Variants in NRF1 observed in about 807,000 individuals in gnomAD.
NRF1 encodes alpha palindromic-binding protein.
A neutral mutation model predicts 58.5 loss-of-function variants in NRF1; 5 were observed. The observed-to-expected ratio is 0.09, with a 90% CI of 0.04 to 0.18. The LOEUF (loss-of-function observed/expected upper bound fraction) is 0.18. Ranked by LOEUF, NRF1 falls within the 10% of genes least tolerant of loss-of-function variation. The probability of loss-of-function intolerance (pLI) is 1.00; values close to 1 mark genes in which losing one functional copy is unlikely to be tolerated. For missense variants in NRF1, 288 were observed against 657.7 expected, an observed-to-expected ratio of 0.44 and a Z score of 6.15; for synonymous variants, 224 against 246.7, an observed-to-expected ratio of 0.91 and a Z score of 0.86.
chr7:129,639,915 A>T (rs1562956778), intron 1 of NRF1, among the ~76,000 whole-genome samples: 1 of 152,230 alleles, frequency 6.6e-6, no homozygotes, highest in Non-Finnish European at 1.5e-5. Context: ...ATGGATAGTT[A>T]GCTAAACAAT....
chr7:129,663,934 G>T (rs989830132), intron 2 of NRF1, among the ~76,000 whole-genome samples: 4 of 152,156 alleles, frequency 2.6e-5, no homozygotes. Flanking sequence ...AGACCAGTCC[G>T]GTCAACACGG....
At position 129,614,443 on chromosome 7, in the gene NRF1, T is replaced by TTGTGTGTGTGTGTGTGTGTGTGTG. The variant is rs56403369; in HGVS notation, c.-7+2642_-7+2643insGTGTGTGTGTGTGTGTGTGTGTGT. Among the ~76,000 whole-genome samples the TTGTGTGTGTGTGTGTGTGTGTGTG allele has an allele frequency of 4.5e-3, 662 of 145,830 alleles. 3 individuals carry two copies. Among genetic ancestry groups the TTGTGTGTGTGTGTGTGTGTGTGTG allele is most frequent in the African/African-American group, 6.1e-3 (236 of 38,824 alleles). ...ATAATTTTCTTATAAAAATATGTAT[T>TTGTGTGTGTGTGTGTGTGTGTGTG]TGTGTGTGTGTGTGTGTGTGTGTAC... On this transcript the variant is annotated intron_variant, in intron 1 of 10. Transcript: ENST00000393232.
intron 1 of NRF1, among the ~76,000 whole-genome samples, chr7:129,631,934 A>G (rs1801058126): frequency 6.6e-6 from 1 of 152,212 alleles, no homozygotes; most frequent in African/African-American, 2.4e-5. Context: ...GCTTATAAAT[A>G]TGCATGACTG....
chr7:129,646,318 T>G (rs898283590), intron 1 of NRF1, among the ~76,000 whole-genome samples: 8 of 152,218 alleles, frequency 5.3e-5, no homozygotes, highest in Non-Finnish European at 1.0e-4. Flanking sequence ...TTACCAGCAC[T>G]GTATGAGTAA....
intron 4 of NRF1, among the ~76,000 whole-genome samples, chr7:129,678,112 C>T (rs570656463): frequency 2.0e-5 from 3 of 152,244 alleles, no homozygotes; most frequent in African/African-American, 4.8e-5. Context: ...AAGGTGTCAA[C>T]TTCCTGAGGG....
rs1380071199 is a variant in NRF1 at position 129,660,073 on chromosome 7, G to A, written c.223+2499G>A. ...TCGCATCTTACATGGATGACAGCAG[G>A]CAAAAAGAGAGAGAGCTTGTGCAGG... On this transcript the variant is annotated intron_variant, in intron 2 of 10. Coordinates refer to ENST00000393232, the MANE Select transcript of NRF1 (RefSeq NM_005011.5). Among the ~76,000 whole-genome samples, 3 of 152,246 alleles carry A rather than the reference G, an allele frequency of 2.0e-5. No individual in the cohort carries two copies. The East Asian group carries it at 5.8e-4, about 29-fold the overall frequency.
intron 8 of NRF1, among the ~76,000 whole-genome samples, chr7:129,712,645 G>A (rs1803100394): frequency 6.6e-6 from 1 of 152,166 alleles, no homozygotes; most frequent in Non-Finnish European, 1.5e-5. Context: ...CAGTCTAGTG[G>A]GGAAGAGAGA....
chr7:129,682,992 G>T (rs945144694), intron 4 of NRF1, among the ~76,000 whole-genome samples: 1 of 152,024 alleles, frequency 6.6e-6, no homozygotes, highest in African/African-American at 2.4e-5. Flanking sequence ...GTGCAGTGGT[G>T]CAGTCTCAGC....
At chr7:129,748,755 C>A (rs1204065470) in intron 10 of NRF1, among the ~76,000 whole-genome samples, 1 of 152,148 alleles carries the variant, frequency 6.6e-6, no homozygotes, top group East Asian at 1.9e-4. Flanking sequence ...TCCAATAATA[C>A]TGAATACTGA....
chr7:129,713,208 T>C (rs1204708132), intron 8 of NRF1, among the ~76,000 whole-genome samples: 1 of 151,584 alleles, frequency 6.6e-6, no homozygotes, highest in Admixed American at 6.6e-5. Flanking sequence ...GCGATTCTTC[T>C]GCCTCAGCCT....
chr7:129,719,049 T>C (rs986934257), intron 9 of NRF1, among the ~76,000 whole-genome samples: 1 of 152,140 alleles, frequency 6.6e-6, no homozygotes, highest in African/African-American at 2.4e-5. Flanking sequence ...GAGAGGAGAT[T>C]AGAAGATCAG....
At chr7:129,680,471 T>C (rs944212221) in intron 4 of NRF1, among the ~76,000 whole-genome samples, 5 of 152,240 alleles carry the variant, frequency 3.3e-5, no homozygotes, top group African/African-American at 1.2e-4. Flanking sequence ...TGAAAGCATA[T>C]GTTCATACAC....
At chr7:129,664,182 G>A (rs1473247362) in intron 2 of NRF1, among the ~76,000 whole-genome samples, 2 of 152,006 alleles carry the variant, frequency 1.3e-5, no homozygotes, top group Admixed American at 1.3e-4. Context: ...GAGGGAGAGG[G>A]AGAGGGATCC....
intron 3 of NRF1, among the ~76,000 whole-genome samples, chr7:129,672,714 T>C (rs1802078878): frequency 6.6e-6 from 1 of 152,226 alleles, no homozygotes; most frequent in African/African-American, 2.4e-5. Flanking sequence ...GCGATGACAT[T>C]TACTGGAGGA....
rs190163035 is a variant in NRF1 at position 129,674,745 on chromosome 7, T to G, written c.339-2887T>G. Among the ~76,000 whole-genome samples, 14 of 152,240 alleles carry G rather than the reference T, an allele frequency of 9.2e-5. 1 individual carries two copies. The highest frequency in any genetic ancestry group is 5.2e-4 in the Admixed American group (8 of 15,298). ...CCACTGGGCCTGACCACTAAAACAC[T>G]TAATTGCTAAAAGATGTTAGGGCTC... On this transcript the variant is annotated intron_variant, in intron 3 of 10. Transcript: ENST00000393232.
intron 3 of NRF1, 82 bp downstream of exon 3, chr7:129,671,625 T>G: frequency 1.3e-6 from 1 of 746,960 alleles, no homozygotes; most frequent in Non-Finnish European, 2.3e-6. Flanking sequence ...GTGATTAGGT[T>G]TGTCAAGGAT....
intron 10 of NRF1, among the ~76,000 whole-genome samples, chr7:129,748,058 G>A (rs1043250489): frequency 1.8e-4 from 28 of 151,848 alleles, no homozygotes; most frequent in African/African-American, 5.3e-4. Context: ...GGTGAATCAC[G>A]AGGTCAGGAG....
rs181522144 is a variant in NRF1, at chr7:129,665,038, C to G, written c.224-6391C>G. Among the ~76,000 whole-genome samples the G allele has an allele frequency of 1.3e-3, 202 of 152,294 alleles. 1 individual carries two copies. The highest frequency in any genetic ancestry group is 4.6e-3 in the African/African-American group (190 of 41,576). ...CGGGAAGGTAATGGAGAGAGAAGGA[C>G]AGCAGATTGCTGCTAGTTTGGGTGG... On this transcript the variant is annotated intron_variant, in intron 2 of 10. Coordinates refer to ENST00000393232, the MANE Select transcript of NRF1 (RefSeq NM_005011.5).
Position 129,755,795 on chromosome 7 carries a change from G to A in NRF1, c.*614G>A, listed in dbSNP as rs1388907955. 2.6e-5 allele frequency: 4 copies of A among 152,704 alleles called. No homozygotes were observed. The highest frequency in any genetic ancestry group is 5.9e-5 in the Non-Finnish European group (4 of 68,090). 9.5% of individuals were successfully genotyped at this position (152,704 alleles called of 1,614,324 possible). A position where few individuals can be genotyped will look rare whatever the true frequency, so the allele number is the denominator to read the frequency against. On this transcript the variant is annotated 3_prime_UTR_variant, in exon 11 of 11. Coordinates refer to ENST00000393232, the MANE Select transcript of NRF1 (RefSeq NM_005011.5). The surrounding 1 kb of genome is among the most constrained non-coding windows in gnomAD (Gnocchi z 5.8). ...AACTCTCCCTGCTGGACTCACCTGA[G>A]GAAAGAGGCTCCAGCATGGGGTGGG...
Sources: gnomAD v4.1 joint callset for allele counts (sites outside exome capture counted in the v4.1 genomes callset) on GRCh38, gnomAD v4.1.1 for gene constraint, Gnocchi (gnomAD v3.1) non-coding constraint, MANE v1.5 for transcripts, NCBI Gene and HGNC (gene_info 2026-07-23, HGNC 2026-07-21) for gene names.